The following DSCAM variants were observed in gnomAD, a reference collection of about 807,000 sequenced individuals.
DSCAM encodes the protein cell adhesion molecule DSCAM.
A neutral mutation model predicts 217.7 loss-of-function variants in DSCAM; 47 were observed. The ratio of observed to expected loss-of-function variants is 0.22; its 90% CI spans 0.17 to 0.28. The LOEUF is 0.28. Among genes scored for constraint, DSCAM ranks in the 10% least tolerant of loss-of-function variants. The pLI is 1.00. For missense variants in DSCAM, 2,080 were observed against 2,618.3 expected (o/e 0.79, Z 4.49); for synonymous variants, 1,056 against 1,015.3 (o/e 1.04, Z -0.76).
rs199533657 is a variant in DSCAM at position 40,471,808 on chromosome 21, T to C, written c.509-102563A>G. Among the ~76,000 whole-genome samples the C allele has an allele frequency of 1.5e-4, 23 of 152,358 alleles. No homozygotes were observed. In the East Asian group the frequency reaches 3.1e-3, roughly 20 times the overall value. On this transcript the variant is annotated intron_variant, in intron 3 of 32. Transcript: ENST00000400454. Reference sequence around the variant, plus strand: ...TTACTTAATTTTTATTTTTATTTTATTATACTTTAAGTTCTAGGGTACATG... The same window carrying C: ...TTACTTAATTTTTATTTTTATTTTACTATACTTTAAGTTCTAGGGTACATG...
intron 18 of DSCAM, among the ~76,000 whole-genome samples, chr21:40,141,117 T>C (rs751908963): frequency 6.6e-6 from 1 of 152,236 alleles, no homozygotes; most frequent in East Asian, 1.9e-4. Context: ...GTGCTGCTCA[T>C]GTGTCTTCTT....
At chr21:40,699,205 C>A (rs1214684129) in intron 2 of DSCAM, among the ~76,000 whole-genome samples, 1 of 152,076 alleles carries the variant, frequency 6.6e-6, no homozygotes, top group Non-Finnish European at 1.5e-5. Flanking sequence ...AATTGTTTTG[C>A]GGAGCCACAA....
chr21:40,545,946 G>A (rs930391710), intron 3 of DSCAM, among the ~76,000 whole-genome samples: 1 of 152,226 alleles, frequency 6.6e-6, no homozygotes, highest in Non-Finnish European at 1.5e-5. Context: ...GGAAACCTTG[G>A]TGGGTTTCCA....
intron 30 of DSCAM, among the ~76,000 whole-genome samples, chr21:40,049,989 G>A (rs1047334325): frequency 2.0e-5 from 3 of 152,216 alleles, no homozygotes; most frequent in Non-Finnish European, 2.9e-5. Flanking sequence ...AAGCAGAAAT[G>A]CATGTTGCTT....
chr21:40,597,658 C>G lies in DSCAM; in HGVS notation c.508+95152G>C, dbSNP rs537483316. Among the ~76,000 whole-genome samples the G allele has an allele frequency of 3.9e-5, 6 of 152,004 alleles. No individual in the cohort carries two copies. In the South Asian group the frequency reaches 8.3e-4, roughly 21 times the overall value. On this transcript the variant is annotated intron_variant, in intron 3 of 32. Coordinates refer to ENST00000400454, the MANE Select transcript of DSCAM (RefSeq NM_001389.5). ...AGTAGCTGGGACTACAGGTGCCCAC[C>G]ACCACGCCCAGCTAATTTTTTGTGT...
chr21:40,765,099 G>GAA (rs57966573), intron 1 of DSCAM, among the ~76,000 whole-genome samples: 2 of 104,084 alleles, frequency 1.9e-5, no homozygotes. Flanking sequence ...ATGTATCACA[G>GAA]AAAAAAAAAA....
intron 3 of DSCAM, chr21:40,383,881 G>C (rs2075053038): frequency 6.6e-6 from 1 of 152,184 alleles, no homozygotes; most frequent in Admixed American, 6.6e-5. Flanking sequence ...AATGATTGCA[G>C]ATATCATAAA....
At chr21:40,489,045 C>T (rs923782745) in intron 3 of DSCAM, among the ~76,000 whole-genome samples, 7 of 152,148 alleles carry the variant, frequency 4.6e-5, no homozygotes, top group African/African-American at 1.7e-4. Flanking sequence ...AAAAGTAATG[C>T]TATAAAATTT....
In DSCAM at chr21:40,530,923, A is replaced by G. The variant is rs867038883; in HGVS notation, c.509-161678T>C. 1.9e-5 allele frequency among the ~76,000 whole-genome samples: 2 copies of G among 108,040 alleles called. 1 individual carries two copies. Among genetic ancestry groups the G allele is most frequent in the South Asian group, 5.6e-4 (2 of 3,570 alleles). The allele number at this position is 108,040 out of a possible 152,430, so 70.9% of individuals were successfully genotyped here. ...CATCCATCCATCCATCCATTCAACC[A>G]TCCATCCATCCATCCATCCATCCAT... On this transcript the variant is annotated intron_variant, in intron 3 of 32. Coordinates refer to ENST00000400454, the MANE Select transcript of DSCAM (RefSeq NM_001389.5).
At chr21:40,180,607 G>A (rs1222635027) in intron 14 of DSCAM, among the ~76,000 whole-genome samples, 1 of 152,066 alleles carries the variant, frequency 6.6e-6, no homozygotes, top group Non-Finnish European at 1.5e-5. Flanking sequence ...TGTTTAGGAG[G>A]ATGAGGAGGA....
intron 3 of DSCAM, among the ~76,000 whole-genome samples, chr21:40,402,052 T>A (rs1488151063): frequency 1.5e-5 from 1 of 64,844 alleles, no homozygotes; most frequent in East Asian, 3.6e-4. Context: ...CTTATTCCTT[T>A]TTTTTTTTTT....
intron 11 of DSCAM, among the ~76,000 whole-genome samples, chr21:40,223,776 G>A (rs2091308789): frequency 6.6e-6 from 1 of 152,204 alleles, no homozygotes; most frequent in Non-Finnish European, 1.5e-5. Flanking sequence ...AATGGTTTCT[G>A]AGTATGAGAA....
intron 3 of DSCAM, among the ~76,000 whole-genome samples, chr21:40,510,145 GT>G (rs1342108033): frequency 2.0e-5 from 3 of 151,696 alleles, no homozygotes; most frequent in African/African-American, 7.3e-5. Context: ...ATCTAAAATT[GT>G]CCCCCCCCAA....
At chr21:40,578,605 T>C (rs887814582) in intron 3 of DSCAM, among the ~76,000 whole-genome samples, 1 of 152,214 alleles carries the variant, frequency 6.6e-6, no homozygotes, top group Non-Finnish European at 1.5e-5. Flanking sequence ...GTGGGACCCC[T>C]TTTGCACTGT....
intron 11 of DSCAM, among the ~76,000 whole-genome samples, chr21:40,253,743 G>A (rs894195129): frequency 1.3e-5 from 2 of 152,260 alleles, no homozygotes; most frequent in Non-Finnish European, 2.9e-5. Context: ...GGTACGCCCG[G>A]AGGGCGGCAC....
chr21:40,623,050 C>T (rs988983395), intron 3 of DSCAM, among the ~76,000 whole-genome samples: 1 of 152,158 alleles, frequency 6.6e-6, no homozygotes, highest in African/African-American at 2.4e-5. Context: ...CCGCTACCCA[C>T]AAATTGAGCC....
At chr21:40,131,373 G>C (rs1390324623) in intron 19 of DSCAM, among the ~76,000 whole-genome samples, 2 of 152,158 alleles carry the variant, frequency 1.3e-5, no homozygotes, top group African/African-American at 4.8e-5. Flanking sequence ...GTGAACCTGG[G>C]AGATGAAGTG....
intron 11 of DSCAM, among the ~76,000 whole-genome samples, chr21:40,228,914 A>C (rs952900509): frequency 1.3e-5 from 2 of 152,192 alleles, no homozygotes; most frequent in Non-Finnish European, 2.9e-5. Context: ...ATATACACAC[A>C]TCTATGAATA....
Position 40,700,933 on chromosome 21 carries a change from C to T in DSCAM, c.361+7521G>A, listed in dbSNP as rs118012258. On this transcript the variant is annotated intron_variant, in intron 2 of 32. Transcript: ENST00000400454. ...TGTGTTTCTAGTAGAGATGGATTTT[C>T]ACCATGTTGGCCGGGCTGGTCTTGA... is the stretch of plus-strand genomic sequence containing the variant. 3.0e-4 allele frequency among the ~76,000 whole-genome samples: 45 copies of T among 152,158 alleles called. No individual in the cohort carries two copies. The East Asian group carries it at 7.4e-3, about 25-fold the overall frequency.
Sources: allele counts gnomAD v4.1 joint callset (sites outside exome capture counted in the v4.1 genomes callset), GRCh38; gene constraint gnomAD v4.1.1; transcripts MANE v1.5; gene names NCBI Gene and HGNC (gene_info 2026-07-23, HGNC 2026-07-21).